Variants in SPINT1 observed in about 807,000 individuals in gnomAD.
The protein encoded by SPINT1 is kunitz-type protease inhibitor 1.
SPINT1 carries 38 observed loss-of-function variants against 53.7 expected under a neutral mutation model. That is an observed-to-expected ratio of 0.71 (90% CI 0.55 to 0.93). The LOEUF (loss-of-function observed/expected upper bound fraction) is 0.93. Among genes scored for constraint, SPINT1 ranks in the 40% least tolerant of loss-of-function variants. The pLI is 0.00. For synonymous variants in SPINT1, 283 were observed against 280.6 expected, an observed-to-expected ratio of 1.01 and a Z score of -0.08; for missense variants, 645 against 692.9, an observed-to-expected ratio of 0.93 and a Z score of 0.78.
chr15:40,852,406 TC>T (rs1395554811), intron 2 of SPINT1, among the ~76,000 whole-genome samples: 2 of 152,102 alleles, frequency 1.3e-5, no homozygotes, highest in Non-Finnish European at 2.9e-5. Context: ...TGTGAACATA[TC>T]TTTGAGGGGC....
intron 2 of SPINT1, among the ~76,000 whole-genome samples, chr15:40,849,372 T>C (rs1286281456): frequency 1.3e-5 from 2 of 152,142 alleles, no homozygotes; most frequent in Non-Finnish European, 2.9e-5. Flanking sequence ...CTCATCTTCA[T>C]GAATAGCTAA....
rs3033553 is a variant in SPINT1, at chr15:40,852,627, CTGTGTG to C, written c.476-467_476-462del. On this transcript the variant is annotated intron_variant, in intron 2 of 10. Coordinates refer to ENST00000562057, the MANE Select transcript of SPINT1 (RefSeq NM_003710.4). ...TAAGCCTATCCCCTCAAGTAAGTGT[CTGTGTG>C]TGTGTGTGTGTGTGTGTGTGTGTGT... Among the ~76,000 whole-genome samples the C allele has an allele frequency of 2.2e-4, 32 of 143,496 alleles. No homozygotes were observed. The East Asian group carries it at 2.9e-3, about 13-fold the overall frequency. 94.1% of individuals were successfully genotyped at this position (143,496 alleles called of 152,430 possible). A position where few individuals can be genotyped will look rare whatever the true frequency, so the allele number is the denominator to read the frequency against.
chr15:40,849,238 T>C (rs1891387237), intron 2 of SPINT1, among the ~76,000 whole-genome samples: 1 of 148,772 alleles, frequency 6.7e-6, no homozygotes, highest in African/African-American at 2.5e-5. Flanking sequence ...AGAGCAACAC[T>C]CCGTCTCAGG....
intron 2 of SPINT1, among the ~76,000 whole-genome samples, chr15:40,847,302 G>A (rs1891323882): frequency 6.6e-6 from 1 of 152,238 alleles, no homozygotes; most frequent in South Asian, 2.1e-4. Flanking sequence ...AGTTAGAGAG[G>A]TTGGAGGTGG....
At position 40,854,389 on chromosome 15, in the gene SPINT1, C is replaced by A; in HGVS notation, c.941-8C>A. ...TGCTTGAGCCTGACCTCCCTTCCACCCGTCCAGTGTGCTCTGGCACCTGTC... is the reference window on the plus strand; with the variant it reads ...TGCTTGAGCCTGACCTCCCTTCCACACGTCCAGTGTGCTCTGGCACCTGTC... On this transcript the variant is annotated splice_region_variant and splice_polypyrimidine_tract_variant and intron_variant, in intron 6 of 10. Coordinates refer to ENST00000562057, the MANE Select transcript of SPINT1 (RefSeq NM_003710.4). 6.5e-7 allele frequency: 1 copy of A among 1,550,000 alleles called. No homozygotes were observed. The highest frequency in any genetic ancestry group is 8.7e-7 in the Non-Finnish European group (1 of 1,151,002).
At chr15:40,854,127 T>C (rs755576190) in intron 6 of SPINT1, 41 bp downstream of exon 6, 25 of 1,514,842 alleles carry the variant, frequency 1.7e-5, no homozygotes, top group Non-Finnish European at 2.1e-5. Context: ...CCCCACCACA[T>C]CTCTAGCCCA....
Position 40,844,956 on chromosome 15 carries a change from G to A in SPINT1, c.402G>A (p.Arg134=). ...EQNFVCKFAP[R]EGFINYLTRE... ...ACTTCGTGTGCAAGTTCGCGCCCAGGGAGGGCTTCATCAACTACCTCACGA... is the reference window on the plus strand; with the variant it reads ...ACTTCGTGTGCAAGTTCGCGCCCAGAGAGGGCTTCATCAACTACCTCACGA... The change falls in exon 2 of 11, where the codon AGG becomes AGA. Residue 134 remains arginine, a synonymous_variant. Coordinates refer to ENST00000562057, the MANE Select transcript of SPINT1 (RefSeq NM_003710.4). This position sits in a 1 kb window ranked among gnomAD's most constrained non-coding sequence, Gnocchi z 5.8. 6.2e-7 allele frequency: 1 copy of A among 1,613,962 alleles called. No individual in the cohort carries two copies. Among genetic ancestry groups the A allele is most frequent in the African/African-American group, 1.3e-5 (1 of 75,024 alleles).
Position 40,857,794 on chromosome 15 carries a change from CCT to C in SPINT1, c.*820_*821del, listed in dbSNP as rs944177356. The C allele has an allele frequency of 1.3e-5, 2 of 152,366 alleles. No homozygotes were observed. The highest frequency in any genetic ancestry group is 1.9e-4 in the East Asian group (1 of 5,194). The allele number at this position is 152,366 out of a possible 1,614,324, so 9.4% of individuals were successfully genotyped here. A position where few individuals can be genotyped will look rare whatever the true frequency, so the allele number is the denominator to read the frequency against. On this transcript the variant is annotated 3_prime_UTR_variant, in exon 11 of 11. Transcript: ENST00000562057. The stretch of plus-strand genomic sequence containing the variant: ...CGTCTCTCTCGAAACTGGCCTGGCC[CCT>C]GACTTTGGAGAGCAGTGCCATGTTT...
chr15:40,848,796 T>A (rs1891367081), intron 2 of SPINT1, among the ~76,000 whole-genome samples: 1 of 152,186 alleles, frequency 6.6e-6, no homozygotes, highest in Non-Finnish European at 1.5e-5. Flanking sequence ...TGAATTCAAA[T>A]ACTGTCTCTT....
intron 2 of SPINT1, among the ~76,000 whole-genome samples, chr15:40,845,689 G>A (rs1891274191): frequency 6.6e-6 from 1 of 152,182 alleles, no homozygotes; most frequent in African/African-American, 2.4e-5. Flanking sequence ...TGTGTGTACT[G>A]GAGGGGAGAG....
chr15:40,850,350 C>T (rs529741117), intron 2 of SPINT1, among the ~76,000 whole-genome samples: 5 of 152,232 alleles, frequency 3.3e-5, no homozygotes, highest in Admixed American at 6.5e-5. Context: ...GGATTACAGG[C>T]GTGAGCCACC....
At position 40,853,706 on chromosome 15, in the gene SPINT1, C is replaced by A. The variant is rs370529238; in HGVS notation, c.743-5C>A. The A allele has an allele frequency of 2.0e-4, 318 of 1,613,972 alleles. No individual in the cohort carries two copies. Among genetic ancestry groups the A allele is most frequent in the East Asian group, 4.2e-4 (19 of 44,896 alleles). On this transcript the variant is annotated splice_region_variant and splice_polypyrimidine_tract_variant and intron_variant, in intron 4 of 10. Coordinates refer to ENST00000562057, the MANE Select transcript of SPINT1 (RefSeq NM_003710.4). ...CACGGTCCCCTCATAAGCTCTCCCC[C>A]CTAGACTACTGCCTCGCATCCAACA...
rs745308738 is a variant in SPINT1, at chr15:40,855,966, G to A, written c.1192G>A (p.Glu398Lys). Residue 398 changes from glutamate to lysine, a missense_variant, in exon 9 of 11, where the codon GAA becomes AAA. Physicochemically the swap from Glu to Lys is moderately conservative, Grantham distance 56 (BLOSUM62 1). Coordinates refer to ENST00000562057, the MANE Select transcript of SPINT1 (RefSeq NM_003710.4). ...IPRWYYNPFS[E>K]HCARFTYGGC... is the part of the protein sequence containing the mutation. ...GCGCTGGTACTACAACCCCTTCAGC[G>A]AACACTGCGCCCGCTTTACCTATGG... 5.0e-6 allele frequency: 8 copies of A among 1,614,116 alleles called. No homozygotes were observed. Among genetic ancestry groups the A allele is most frequent in the Admixed American group, 1.7e-5 (1 of 60,004 alleles).
In SPINT1 at chr15:40,845,330, T is replaced by C. The variant is rs986275375; in HGVS notation, c.475+301T>C. Among the ~76,000 whole-genome samples the C allele has an allele frequency of 7.1e-5, 10 of 140,602 alleles. No homozygotes were observed. The South Asian group carries it at 9.4e-4, about 13-fold the overall frequency. The allele number at this position is 140,602 out of a possible 152,430, so 92.2% of individuals were successfully genotyped here. ...CCAGACCCGGCTAATTTTTTTTTTT[T>C]TTTTTTTTTTTTTTTTTTTGGTACA... On this transcript the variant is annotated intron_variant, in intron 2 of 10. Coordinates refer to ENST00000562057, the MANE Select transcript of SPINT1 (RefSeq NM_003710.4).
intron 3 of SPINT1, 50 bp from the exon 4 acceptor site, chr15:40,853,439 C>T (rs751377881): frequency 7.4e-6 from 12 of 1,613,624 alleles, no homozygotes; most frequent in Non-Finnish European, 1.0e-5. Context: ...CCTGGGGCAG[C>T]CCAAGGGCAT....
Position 40,856,060 on chromosome 15 carries a change from C to G in SPINT1, c.1286C>G (p.Ser429Cys). ...QQCLESCRGI[S>C]KKDVFGLRRE... The stretch of plus-strand genomic sequence containing the variant: ...TGCCTCGAGTCTTGTCGCGGCATCT[C>G]CAGTGAGTGGGCCAGTGAGAGGGTG... Residue 429 changes from serine to cysteine, a missense_variant and splice_region_variant, in exon 9 of 11, where the codon TCC becomes TGC. Transcript: ENST00000562057. 1.9e-6 allele frequency: 3 copies of G among 1,613,874 alleles called. No individual in the cohort carries two copies. The highest frequency in any genetic ancestry group is 2.5e-6 in the Non-Finnish European group (3 of 1,179,914).
In SPINT1 at chr15:40,844,536, C is replaced by G. The variant is rs1206067132; in HGVS notation, c.-19C>G. ...CAGAGGCCCGCGCTCTGAAGGTGAC[C>G]CCCCTGGGGAGGAAGGCGATGGCCC... On this transcript the variant is annotated 5_prime_UTR_variant, in exon 2 of 11. Coordinates refer to ENST00000562057, the MANE Select transcript of SPINT1 (RefSeq NM_003710.4). The surrounding 1 kb of genome is among the most constrained non-coding windows in gnomAD (Gnocchi z 5.8). 3 of 1,609,236 alleles carry G rather than the reference C, an allele frequency of 1.9e-6. No homozygotes were observed. The highest frequency in any genetic ancestry group is 1.7e-5 in the Admixed American group (1 of 59,968).
chr15:40,849,331 C>T lies in SPINT1; in HGVS notation c.476-3793C>T, dbSNP rs770679141. 5.9e-5 allele frequency among the ~76,000 whole-genome samples: 9 copies of T among 152,138 alleles called. No individual in the cohort carries two copies. The South Asian group carries it at 1.2e-3, about 21-fold the overall frequency. On this transcript the variant is annotated intron_variant, in intron 2 of 10. Transcript: ENST00000562057. ...GTGTAACCACAGCTCGCTGCAGCCT[C>T]AACCTCACAGGCTCAAGCGATCCTC...
intron 2 of SPINT1, among the ~76,000 whole-genome samples, chr15:40,847,711 C>T (rs1216001383): frequency 6.6e-6 from 1 of 152,172 alleles, no homozygotes; most frequent in East Asian, 1.9e-4. Flanking sequence ...AGGCAAGGTA[C>T]CTGCTCCTTG....
Sources: gnomAD v4.1 joint callset for allele counts (sites outside exome capture counted in the v4.1 genomes callset) on GRCh38, gnomAD v4.1.1 for gene constraint, Gnocchi (gnomAD v3.1) non-coding constraint, MANE v1.5 for transcripts, NCBI Gene and HGNC (gene_info 2026-07-23, HGNC 2026-07-21) for gene names.